Variants in SPOCK1 observed in about 807,000 individuals in gnomAD.
SPOCK1 encodes the protein testican-1.
SPOCK1 carries 23 observed loss-of-function variants against 55.3 expected under a neutral mutation model. That is an observed-to-expected ratio of 0.42 (90% CI 0.30 to 0.59). The LOEUF is 0.59. Among genes scored for constraint, SPOCK1 ranks in the 20% least tolerant of loss-of-function variants. The pLI is 0.22. For synonymous variants in SPOCK1, 226 were observed against 221.0 expected (o/e 1.02, Z -0.20); for missense variants, 499 against 552.5 (o/e 0.90, Z 0.97).
intron 3 of SPOCK1, among the ~76,000 whole-genome samples, chr5:137,165,952 T>A (rs1004202563): frequency 2.0e-5 from 3 of 152,134 alleles, no homozygotes; most frequent in African/African-American, 7.2e-5. Flanking sequence ...TAAGAGTTAT[T>A]GGCCTTAAAG....
chr5:137,386,468 T>C (rs1751601382), intron 2 of SPOCK1, among the ~76,000 whole-genome samples: 1 of 152,196 alleles, frequency 6.6e-6, no homozygotes, highest in Non-Finnish European at 1.5e-5. Flanking sequence ...AGACTTATTA[T>C]AAAGTTTCCA....
intron 3 of SPOCK1, among the ~76,000 whole-genome samples, chr5:137,265,275 C>T (rs1172681512): frequency 2.0e-5 from 3 of 152,192 alleles, no homozygotes; most frequent in Non-Finnish European, 2.9e-5. Flanking sequence ...TGTCTTCCCT[C>T]GGGAGAGTGT....
At chr5:137,067,928 A>T (rs1488057456) in intron 5 of SPOCK1, 99 bp from the exon 6 acceptor site, 1 of 954,986 alleles carries the variant, frequency 1.0e-6, no homozygotes, top group Non-Finnish European at 1.6e-6. Context: ...CACAAAAGCA[A>T]AGACAAAGCA....
chr5:137,446,895 T>A (rs1158330225), intron 2 of SPOCK1, among the ~76,000 whole-genome samples: 3 of 152,222 alleles, frequency 2.0e-5, no homozygotes, highest in Admixed American at 6.5e-5. Flanking sequence ...TAAAGTGGAA[T>A]TATACTGTAG....
At chr5:137,036,068 A>G (rs1257651306) in intron 6 of SPOCK1, among the ~76,000 whole-genome samples, 1 of 152,190 alleles carries the variant, frequency 6.6e-6, no homozygotes, top group African/African-American at 2.4e-5. Context: ...CTGGGCTTGC[A>G]TAGGAAATCA....
Position 137,267,064 on chromosome 5 carries a change from G to A in SPOCK1, c.187-9C>T. 1 of 1,610,310 alleles carries A rather than the reference G, an allele frequency of 6.2e-7. No homozygotes were observed. The highest frequency in any genetic ancestry group is 8.5e-7 in the Non-Finnish European group (1 of 1,177,430). On this transcript the variant is annotated splice_polypyrimidine_tract_variant and intron_variant, in intron 2 of 10. Coordinates refer to ENST00000394945, the MANE Select transcript of SPOCK1 (RefSeq NM_004598.4). The stretch of plus-strand genomic sequence containing the variant: ...TTTCTGAAATAATCATCCTATATAA[G>A]GAAAAAATAGAAAACAAAGGTCAGA...
chr5:137,109,621 G>C (rs760156623), intron 5 of SPOCK1, among the ~76,000 whole-genome samples: 2 of 152,282 alleles, frequency 1.3e-5, no homozygotes, highest in South Asian at 2.1e-4. Context: ...AGCTGGCTAA[G>C]TGTCCCTGCT....
intron 2 of SPOCK1, among the ~76,000 whole-genome samples, chr5:137,314,718 T>G (rs1379566496): frequency 2.6e-5 from 4 of 152,152 alleles, no homozygotes; most frequent in African/African-American, 9.7e-5. Flanking sequence ...AAAGGACATA[T>G]GGGATCCTGC....
At chr5:137,166,457 A>T (rs1754650416) in intron 3 of SPOCK1, among the ~76,000 whole-genome samples, 1 of 151,798 alleles carries the variant, frequency 6.6e-6, no homozygotes, top group Non-Finnish European at 1.5e-5. Flanking sequence ...GACATTAATG[A>T]GCAATAAGAC....
chr5:137,036,458 G>A (rs1455200851), intron 6 of SPOCK1, among the ~76,000 whole-genome samples: 1 of 152,008 alleles, frequency 6.6e-6, no homozygotes, highest in Admixed American at 6.6e-5. Flanking sequence ...CTTCCTTCTT[G>A]TTGTACAATA....
At position 137,498,404 on chromosome 5, in the gene SPOCK1, T is replaced by A; in HGVS notation, c.155A>T (p.Asp52Val). ...DQWLSTVSQYDRDKYWNRFRD... is the reference protein window; with the variant it reads ...DQWLSTVSQYVRDKYWNRFRD... ...AAAGCGGTTCCAGTACTTGTCCCGG[T>A]CGTACTGGGAGACGGTGCTCAGCCA... The change falls in exon 2 of 11, where the codon GAC becomes GTC. Residue 52 changes from aspartate (D) to valine (V), a missense_variant. Around this residue, in one of 3 missense-constraint regions of SPOCK1, gnomAD observed 386 missense variants for 400.6 expected, o/e 0.96. Coordinates refer to ENST00000394945, the MANE Select transcript of SPOCK1 (RefSeq NM_004598.4). 1 of 1,606,252 alleles carries A rather than the reference T, an allele frequency of 6.2e-7. No individual in the cohort carries two copies. The highest frequency in any genetic ancestry group is 8.5e-7 in the Non-Finnish European group (1 of 1,176,366).
At chr5:137,274,945 A>G (rs2961643) in intron 2 of SPOCK1, among the ~76,000 whole-genome samples, 130,474 of 152,250 alleles carry the variant, frequency 0.86, 56,225 homozygotes, top group African/African-American at 0.94. Context: ...TGAGTGTGGC[A>G]TTTTAAACCA....
intron 5 of SPOCK1, among the ~76,000 whole-genome samples, chr5:137,093,185 T>C (rs1188504620): frequency 6.6e-6 from 1 of 152,200 alleles, no homozygotes; most frequent in Non-Finnish European, 1.5e-5. Flanking sequence ...ATTCAAATCA[T>C]AGCAGCAGTT....
At chr5:137,176,629 T>C (rs1754858779) in intron 3 of SPOCK1, among the ~76,000 whole-genome samples, 1 of 152,154 alleles carries the variant, frequency 6.6e-6, no homozygotes, top group Non-Finnish European at 1.5e-5. Flanking sequence ...CCGTCATACC[T>C]GTTAAGTCCT....
At chr5:137,342,397 A>G (rs1205917965) in intron 2 of SPOCK1, among the ~76,000 whole-genome samples, 1 of 152,240 alleles carries the variant, frequency 6.6e-6, no homozygotes, top group East Asian at 1.9e-4. Flanking sequence ...ACCCCATGGA[A>G]TCGGTCACTA....
chr5:137,083,124 G>C (rs1295097836), intron 5 of SPOCK1, among the ~76,000 whole-genome samples: 2 of 152,150 alleles, frequency 1.3e-5, no homozygotes, highest in Non-Finnish European at 2.9e-5. Flanking sequence ...TCCCGTTTTG[G>C]GGAATTCTGC....
chr5:137,207,177 C>T (rs1265364622), intron 3 of SPOCK1, among the ~76,000 whole-genome samples: 2 of 152,212 alleles, frequency 1.3e-5, no homozygotes, highest in African/African-American at 2.4e-5. Context: ...CCCGAGCAGC[C>T]TGTCTGATGA....
intron 2 of SPOCK1, among the ~76,000 whole-genome samples, chr5:137,464,119 C>A (rs1460917984): frequency 1.3e-5 from 2 of 151,990 alleles, no homozygotes; most frequent in Non-Finnish European, 2.9e-5. Flanking sequence ...GGAAACATGG[C>A]AAAATTCCAT....
chr5:137,364,317 C>T (rs368072820), intron 2 of SPOCK1, among the ~76,000 whole-genome samples: 3 of 152,232 alleles, frequency 2.0e-5, no homozygotes, highest in South Asian at 2.1e-4. Flanking sequence ...AGCGGGGTGA[C>T]GTTTTTTGCA....
Sources: allele counts gnomAD v4.1 joint callset (sites outside exome capture counted in the v4.1 genomes callset), GRCh38; gene constraint gnomAD v4.1.1; regional missense constraint gnomAD v4.1.1; transcripts MANE v1.5; gene names NCBI Gene and HGNC (gene_info 2026-07-23, HGNC 2026-07-21).